Variants in MTA1 observed in about 807,000 individuals in gnomAD.
MTA1 encodes metastasis associated 1, also known as metastasis-associated protein MTA1.
Under a neutral mutation model 97.0 loss-of-function variants are expected in MTA1, and 15 were observed. That is an observed-to-expected ratio of 0.15 (90% CI 0.10 to 0.24). The LOEUF (loss-of-function observed/expected upper bound fraction) is 0.24. Among genes scored for constraint, MTA1 ranks in the 10% least tolerant of loss-of-function variants. The pLI is 1.00. For synonymous variants in MTA1, 435 were observed against 417.5 expected (o/e 1.04, Z -0.51); for missense variants, 709 against 1,015.1 (o/e 0.70, Z 4.10).
At chr14:105,467,375 A>C in intron 18 of MTA1, 1 of 454,830 alleles carries the variant, frequency 2.2e-6, no homozygotes, top group Non-Finnish European at 4.4e-6. Context: ...GGCGGCTTTC[A>C]CTGACGGTGC....
At chr14:105,425,228 TG>T (rs1396807104) in intron 1 of MTA1, among the ~76,000 whole-genome samples, 3 of 152,140 alleles carry the variant, frequency 2.0e-5, no homozygotes, top group African/African-American at 7.2e-5. Flanking sequence ...GAGACCTGGT[TG>T]GGGGGCAGCT....
intron 4 of MTA1, 100 bp from the exon 5 acceptor site, chr14:105,449,958 G>T (rs1595361858): frequency 6.5e-7 from 1 of 1,536,954 alleles, no homozygotes; most frequent in African/African-American, 1.4e-5. Flanking sequence ...TCCCAGGACT[G>T]GGCCTCCTGC....
chr14:105,449,919 CAG>C, intron 4 of MTA1, 137 bp from the exon 5 acceptor site: 1 of 1,263,594 alleles, frequency 7.9e-7, no homozygotes, highest in African/African-American at 1.5e-5. Flanking sequence ...GGCAGTGGGA[CAG>C]TGTCCGGCAG....
In MTA1 at chr14:105,458,426, C is replaced by T. The variant is rs1316120388; in HGVS notation, c.653+54C>T. On this transcript the variant is annotated intron_variant, in intron 8 of 20. Transcript: ENST00000331320. ...AGGGGTGGTGCCTGGAGCTTCTGTT[C>T]TCCCTTCCCTGTGGTGGGTGTTGGG... 3 of 1,509,692 alleles carry T rather than the reference C, an allele frequency of 2.0e-6. No homozygotes were observed. In the African/African-American group the frequency reaches 4.1e-5, roughly 21 times the overall value. The allele number at this position is 1,509,692 out of a possible 1,614,324, so 93.5% of individuals were successfully genotyped here.
chr14:105,431,282 C>T (rs2082171060), intron 1 of MTA1, among the ~76,000 whole-genome samples: 1 of 152,198 alleles, frequency 6.6e-6, no homozygotes, highest in Non-Finnish European at 1.5e-5. Flanking sequence ...AGGCTGGTCT[C>T]AAACTCCTGA....
intron 16 of MTA1, 127 bp from the exon 17 acceptor site, chr14:105,466,299 C>CAA (rs34378689): frequency 1.4e-5 from 12 of 832,952 alleles, no homozygotes; most frequent in Admixed American, 4.7e-5. Flanking sequence ...GATGGGGCCT[C>CAA]GGGTGGGGGC....
chr14:105,464,901 G>C, intron 15 of MTA1, 38 bp downstream of exon 15: 2 of 1,523,250 alleles, frequency 1.3e-6, no homozygotes, highest in Admixed American at 4.1e-5. Context: ...CTGTTCCTGC[G>C]GGTGGTGGGG....
chr14:105,426,595 A>G (rs1285328412), intron 1 of MTA1, among the ~76,000 whole-genome samples: 16 of 151,972 alleles, frequency 1.1e-4, no homozygotes, highest in Admixed American at 9.2e-4. Context: ...CCTCCAGGAG[A>G]CACAGTGCCT....
chr14:105,447,281 T>C (rs2082749427), intron 3 of MTA1, among the ~76,000 whole-genome samples: 1 of 152,302 alleles, frequency 6.6e-6, no homozygotes, highest in South Asian at 2.1e-4. Flanking sequence ...TGCCAGTCTG[T>C]GTGGCCTGGG....
At chr14:105,432,033 A>AT (rs2082191539) in intron 1 of MTA1, among the ~76,000 whole-genome samples, 1 of 152,086 alleles carries the variant, frequency 6.6e-6, no homozygotes, top group African/African-American at 2.4e-5. Context: ...ATTAAAAAAA[A>AT]ACCTTTTTTA....
chr14:105,468,485 G>C (rs1393268965), intron 18 of MTA1: 1 of 847,874 alleles, frequency 1.2e-6, no homozygotes, highest in Non-Finnish European at 1.7e-6. Context: ...CTGCCCGGCA[G>C]AGCTAAGCAA....
intron 13 of MTA1, 53 bp from the exon 14 acceptor site, chr14:105,464,363 A>T: frequency 1.9e-6 from 3 of 1,601,548 alleles, no homozygotes; most frequent in Non-Finnish European, 2.6e-6. Flanking sequence ...GAATACTCTG[A>T]CATCGCTGGT....
intron 7 of MTA1, among the ~76,000 whole-genome samples, chr14:105,455,538 C>T (rs587617106): frequency 2.0e-5 from 3 of 152,328 alleles, no homozygotes; most frequent in Non-Finnish European, 2.9e-5. Context: ...CAAGGCGTTT[C>T]GTGCTTGTCC....
At chr14:105,460,492 G>A (rs1555430763) in intron 9 of MTA1, 35 bp downstream of exon 9, 2 of 1,568,552 alleles carry the variant, frequency 1.3e-6, no homozygotes, top group South Asian at 2.3e-5. Flanking sequence ...GTGAGACCTG[G>A]GGTGGCCCAT....
chr14:105,428,746 A>G (rs2082086426), intron 1 of MTA1, among the ~76,000 whole-genome samples: 2 of 148,950 alleles, frequency 1.3e-5, no homozygotes, highest in Admixed American at 6.7e-5. Flanking sequence ...TTGAGACAAC[A>G]TCTTGCTCTG....
At position 105,424,097 on chromosome 14, in the gene MTA1, C is replaced by T. The variant is rs1469130880; in HGVS notation, c.28+4034C>T. ...GCTGTCCCACTTGGCCTGTGAGGAT[C>T]GGCCTCAGCACTGCGCCATTGGCAG... On this transcript the variant is annotated intron_variant, in intron 1 of 20. Coordinates refer to ENST00000331320, the MANE Select transcript of MTA1 (RefSeq NM_004689.4). The surrounding 1 kb of genome is among the most constrained non-coding windows in gnomAD (Gnocchi z 4.0). 6.6e-6 allele frequency among the ~76,000 whole-genome samples: 1 copy of T among 152,260 alleles called. No individual in the cohort carries two copies. The highest frequency in any genetic ancestry group is 2.4e-5 in the African/African-American group (1 of 41,468).
rs1193699679 is a variant in MTA1 at position 105,424,370 on chromosome 14, ATTT to A, written c.28+4318_28+4320del. On this transcript the variant is annotated intron_variant, in intron 1 of 20. Coordinates refer to ENST00000331320, the MANE Select transcript of MTA1 (RefSeq NM_004689.4). This position sits in a 1 kb window ranked among gnomAD's most constrained non-coding sequence, Gnocchi z 4.0. Reference sequence around the variant, plus strand: ...CACCATGCCTGGCTAATGTTTTGTAATTTTTTTTTTTTTGTAGAGACGGGGTTT... The same window carrying A: ...CACCATGCCTGGCTAATGTTTTGTAATTTTTTTTTTGTAGAGACGGGGTTT... 2.1e-5 allele frequency among the ~76,000 whole-genome samples: 3 copies of A among 143,184 alleles called. No individual in the cohort carries two copies. The highest frequency in any genetic ancestry group is 7.7e-5 in the African/African-American group (3 of 39,102). The allele number at this position is 143,184 out of a possible 152,430, so 93.9% of individuals were successfully genotyped here. A position where few individuals can be genotyped will look rare whatever the true frequency, so the allele number is the denominator to read the frequency against.
chr14:105,450,240 C>T, intron 5 of MTA1, 21 bp from the exon 6 acceptor site: 1 of 1,609,490 alleles, frequency 6.2e-7, no homozygotes, highest in South Asian at 1.1e-5. Flanking sequence ...CCTTTCCAGC[C>T]TGCCCGTCCT....
chr14:105,427,132 T>A (rs2082036967), intron 1 of MTA1, among the ~76,000 whole-genome samples: 1 of 152,230 alleles, frequency 6.6e-6, no homozygotes, highest in African/African-American at 2.4e-5. Flanking sequence ...AATTCTTCTG[T>A]GGCCCCATCC....
Sources: gnomAD v4.1 joint callset for allele counts (sites outside exome capture counted in the v4.1 genomes callset) on GRCh38, gnomAD v4.1.1 for gene constraint, Gnocchi (gnomAD v3.1) non-coding constraint, MANE v1.5 for transcripts, NCBI Gene and HGNC (gene_info 2026-07-23, HGNC 2026-07-21) for gene names.